The following CLASP2 variants were observed in gnomAD, a reference collection of about 807,000 sequenced individuals.
CLASP2 encodes CLIP-associating protein 2.
Under a neutral mutation model 194.4 loss-of-function variants are expected in CLASP2, and 47 were observed. The observed-to-expected ratio is 0.24, with a 90% CI of 0.19 to 0.31. The LOEUF (loss-of-function observed/expected upper bound fraction) is 0.31, where lower values mean the gene tolerates loss of function less well. Ranked by LOEUF, CLASP2 falls within the 10% of genes least tolerant of loss-of-function variation. The pLI, the probability that CLASP2 is intolerant of heterozygous loss-of-function variation, is 1.00. For missense variants in CLASP2, 1,445 were observed against 1,823.6 expected, an observed-to-expected ratio of 0.79 and a Z score of 3.78; for synonymous variants, 619 against 633.5, an observed-to-expected ratio of 0.98 and a Z score of 0.34.
chr3:33,612,085 T>A lies in CLASP2; in HGVS notation c.1318-14A>T. The A allele has an allele frequency of 6.4e-7, 1 of 1,563,908 alleles. No homozygotes were observed. On this transcript the variant is annotated splice_polypyrimidine_tract_variant and intron_variant, in intron 12 of 38. Transcript: ENST00000682230. ...TACATGAGTATGCTGAAAAAGATGT[T>A]TTAGAAAAGGTTGAAAATACTACAC...
Position 33,573,358 on chromosome 3 carries a change from T to A in CLASP2, c.2455-4A>T. ...ATCTTCTTCGAGCTGGTTTTTTCTG[T>A]TATACATCAAGAATCTCATTAGCAG... is the stretch of plus-strand genomic sequence containing the variant. On this transcript the variant is annotated splice_region_variant and splice_polypyrimidine_tract_variant and intron_variant, in intron 24 of 38. Transcript: ENST00000682230. 1.2e-6 allele frequency: 2 copies of A among 1,613,084 alleles called. No homozygotes were observed. The highest frequency in any genetic ancestry group is 1.7e-6 in the Non-Finnish European group (2 of 1,179,428).
chr3:33,602,798 C>A, intron 18 of CLASP2, 154 bp downstream of exon 18: 2 of 803,686 alleles, frequency 2.5e-6, no homozygotes, highest in South Asian at 1.5e-5. Flanking sequence ...AGCTCAGATT[C>A]CTCAGAAGTG....
rs187393550 is a variant in CLASP2 at position 33,501,601 on chromosome 3, T to C, written c.4434+51A>G. 11 of 1,163,976 alleles carry C rather than the reference T, an allele frequency of 9.5e-6. No homozygotes were observed. The Admixed American group carries it at 1.4e-4, about 15-fold the overall frequency. The allele number at this position is 1,163,976 out of a possible 1,614,324, so 72.1% of individuals were successfully genotyped here. A position where few individuals can be genotyped will look rare whatever the true frequency, so the allele number is the denominator to read the frequency against. The stretch of plus-strand genomic sequence containing the variant: ...ACTGTTACAGACATGTAACTAAGTT[T>C]TGAAAGATGTACTATGGCCACCATC... On this transcript the variant is annotated intron_variant, in intron 38 of 38. Transcript: ENST00000682230.
At chr3:33,643,759 G>A (rs1249053536) in intron 8 of CLASP2, among the ~76,000 whole-genome samples, 1 of 151,838 alleles carries the variant, frequency 6.6e-6, no homozygotes, top group Non-Finnish European at 1.5e-5. Context: ...AAAACTGGGG[G>A]TTGTATAGAA....
rs139041822 is a variant in CLASP2 at position 33,694,594 on chromosome 3, C to T, written c.274+2261G>A. ...ATATCATACCTAACTTTCTCAGTTA[C>T]GAAGAGACAAGAGGATTTTGGGGGT... On this transcript the variant is annotated intron_variant, in intron 2 of 38. Coordinates refer to ENST00000682230, the MANE Select transcript of CLASP2 (RefSeq NM_001365631.1). Among the ~76,000 whole-genome samples, 4 of 152,080 alleles carry T rather than the reference C, an allele frequency of 2.6e-5. No homozygotes were observed. The East Asian group carries it at 5.8e-4, about 22-fold the overall frequency.
chr3:33,518,445 G>A (rs1030858217), intron 34 of CLASP2, among the ~76,000 whole-genome samples: 1 of 152,080 alleles, frequency 6.6e-6, no homozygotes, highest in Admixed American at 6.6e-5. Context: ...ATTTCAGCAG[G>A]TAGTGCCCTG....
chr3:33,680,708 G>A (rs2089670844), intron 6 of CLASP2, among the ~76,000 whole-genome samples: 1 of 152,182 alleles, frequency 6.6e-6, no homozygotes, highest in African/African-American at 2.4e-5. Flanking sequence ...CTACTCAGGA[G>A]GCTGAAGTGG....
intron 16 of CLASP2, among the ~76,000 whole-genome samples, chr3:33,605,556 G>C (rs1218024034): frequency 6.6e-6 from 1 of 152,104 alleles, no homozygotes; most frequent in Admixed American, 6.6e-5. Context: ...TCCCAGTTCT[G>C]CATCAGAGTT....
rs2045936490 is a variant in CLASP2 at position 33,497,443 on chromosome 3, A to T, written c.*1188T>A. On this transcript the variant is annotated 3_prime_UTR_variant, in exon 39 of 39. Transcript: ENST00000682230. ...ACATGAAAAGAATGGGTGTAGCAAGAGGTGATTAAAAAAATTTGCTAAAAA... is the reference window on the plus strand; with the variant it reads ...ACATGAAAAGAATGGGTGTAGCAAGTGGTGATTAAAAAAATTTGCTAAAAA... 6.6e-6 allele frequency: 1 copy of T among 152,632 alleles called. No individual in the cohort carries two copies. The highest frequency in any genetic ancestry group is 1.9e-4 in the East Asian group (1 of 5,194). The allele number at this position is 152,632 out of a possible 1,614,324, so 9.5% of individuals were successfully genotyped here.
At chr3:33,674,991 C>T (rs1296549586) in intron 6 of CLASP2, among the ~76,000 whole-genome samples, 7 of 152,042 alleles carry the variant, frequency 4.6e-5, no homozygotes, top group African/African-American at 1.7e-4. Flanking sequence ...CATTCACAGC[C>T]GAATTCTACC....
intron 20 of CLASP2, chr3:33,592,741 A>T (rs1235257885): frequency 1.4e-5 from 7 of 516,588 alleles, no homozygotes; most frequent in South Asian, 1.3e-4. Flanking sequence ...CTTAGTTTAT[A>T]TATTAGTCCA....
At chr3:33,607,733 T>C (rs969685090) in intron 14 of CLASP2, among the ~76,000 whole-genome samples, 7 of 152,242 alleles carry the variant, frequency 4.6e-5, no homozygotes, top group East Asian at 3.9e-4. Flanking sequence ...TATAAATACA[T>C]AGTACCTAAA....
At chr3:33,675,460 A>G (rs1353559695) in intron 6 of CLASP2, among the ~76,000 whole-genome samples, 1 of 150,310 alleles carries the variant, frequency 6.7e-6, no homozygotes, top group African/African-American at 2.4e-5. Context: ...GCTATCTATG[A>G]CAAACCCACA....
chr3:33,661,065 G>C (rs1297521246), intron 7 of CLASP2, among the ~76,000 whole-genome samples: 1 of 152,008 alleles, frequency 6.6e-6, no homozygotes, highest in African/African-American at 2.4e-5. Flanking sequence ...AAGTATCATG[G>C]GCTGGGATGA....
At chr3:33,710,915 CTGAG>C (rs556811994) in intron 1 of CLASP2, among the ~76,000 whole-genome samples, 242 of 152,320 alleles carry the variant, frequency 1.6e-3, no homozygotes, top group Middle Eastern at 6.8e-3. Context: ...AGCCTGGCGA[CTGAG>C]TGAGACTCCA....
At chr3:33,520,207 T>C (rs1187057797) in intron 34 of CLASP2, among the ~76,000 whole-genome samples, 1 of 152,154 alleles carries the variant, frequency 6.6e-6, no homozygotes, top group Admixed American at 6.6e-5. Flanking sequence ...GGTTTCATCA[T>C]ATTGGCCAGG....
intron 12 of CLASP2, among the ~76,000 whole-genome samples, chr3:33,619,051 G>C (rs2076683617): frequency 6.6e-6 from 1 of 152,156 alleles, no homozygotes; most frequent in African/African-American, 2.4e-5. Flanking sequence ...ACCTGTAGCT[G>C]AATTACTGTA....
rs564385689 is a variant in CLASP2 at position 33,577,972 on chromosome 3, AG to A, written c.2348-1698del. ...GCCGAATAAACTTCTGTCATTTAAA[AG>A]TACATAATCTATGTTATTTTGTTAC... On this transcript the variant is annotated intron_variant, in intron 23 of 38. Coordinates refer to ENST00000682230, the MANE Select transcript of CLASP2 (RefSeq NM_001365631.1). Among the ~76,000 whole-genome samples, 54 of 152,348 alleles carry A rather than the reference AG, an allele frequency of 3.5e-4. No homozygotes were observed. In the East Asian group the frequency reaches 6.5e-3, roughly 18 times the overall value.
intron 18 of CLASP2, among the ~76,000 whole-genome samples, chr3:33,601,187 C>T (rs560526265): frequency 3.4e-4 from 51 of 152,186 alleles, no homozygotes; most frequent in African/African-American, 1.2e-3. Flanking sequence ...GTCTCGATCT[C>T]CTGACTTCGT....
Sources: gnomAD v4.1 joint callset for allele counts (sites outside exome capture counted in the v4.1 genomes callset) on GRCh38, gnomAD v4.1.1 for gene constraint, MANE v1.5 for transcripts, NCBI Gene and HGNC (gene_info 2026-07-23, HGNC 2026-07-21) for gene names.